PRKAG2: variants seen among roughly 807,000 people sequenced by gnomAD.
The protein encoded by PRKAG2 is protein kinase AMP-activated non-catalytic subunit gamma 2, also known as 5'-AMP-activated protein kinase subunit gamma-2.
Under a neutral mutation model 69.6 loss-of-function variants are expected in PRKAG2, and 26 were observed. That is an observed-to-expected ratio of 0.37 (90% CI 0.27 to 0.52). PRKAG2 has a LOEUF of 0.52. PRKAG2 is among the 20% of genes least tolerant of loss of function. The pLI is 0.90. For synonymous variants in PRKAG2, 293 were observed against 285.0 expected, an observed-to-expected ratio of 1.03 and a Z score of -0.28; for missense variants, 557 against 740.0, an observed-to-expected ratio of 0.75 and a Z score of 2.87.
rs1803882663 is a variant in PRKAG2 at position 151,556,884 on chromosome 7, C to G, written c.*317G>C. On this transcript the variant is annotated 3_prime_UTR_variant, in exon 16 of 16. Transcript: ENST00000287878. ...AACATACCGTGCACTCACCTTATGC[C>G]ACATCACCTGTTCCATACCAGTGAA... The G allele has an allele frequency of 2.5e-6, 1 of 406,254 alleles. No individual in the cohort carries two copies. The allele number at this position is 406,254 out of a possible 1,614,324, so 25.2% of individuals were successfully genotyped here.
chr7:151,695,516 G>C lies in PRKAG2; in HGVS notation c.467-19879C>G, dbSNP rs1836466974. ...TGTGGGTGCCCTAAGTGCCGGCATT[G>C]TGCAGGAAGCTGTGTTGGGGGCTGG... On this transcript the variant is annotated intron_variant, in intron 3 of 15. Transcript: ENST00000287878. Among the ~76,000 whole-genome samples the C allele has an allele frequency of 2.0e-5, 3 of 152,308 alleles. No homozygotes were observed. The South Asian group carries it at 6.2e-4, about 32-fold the overall frequency.
intron 4 of PRKAG2, among the ~76,000 whole-genome samples, chr7:151,672,093 C>A (rs932733193): frequency 6.6e-6 from 1 of 151,704 alleles, no homozygotes; most frequent in African/African-American, 2.4e-5. Flanking sequence ...CCACCTCTCC[C>A]GGCCACCATT....
chr7:151,831,511 T>C (rs973658832), intron 1 of PRKAG2, among the ~76,000 whole-genome samples: 1 of 152,220 alleles, frequency 6.6e-6, no homozygotes. Flanking sequence ...CCTCACTTAA[T>C]TCTCCCAAGA....
At chr7:151,584,460 C>A (rs1811179985) in intron 6 of PRKAG2, among the ~76,000 whole-genome samples, 1 of 151,428 alleles carries the variant, frequency 6.6e-6, no homozygotes, top group African/African-American at 2.4e-5. Context: ...ACACAGATCT[C>A]ACTAGAAGGG....
intron 3 of PRKAG2, among the ~76,000 whole-genome samples, chr7:151,677,943 C>T (rs554558475): frequency 2.6e-5 from 4 of 152,284 alleles, no homozygotes; most frequent in South Asian, 2.1e-4. Context: ...AAACATAATT[C>T]GGCAGACGTT....
intron 6 of PRKAG2, among the ~76,000 whole-genome samples, chr7:151,594,064 T>C (rs1813855301): frequency 6.6e-6 from 1 of 152,064 alleles, no homozygotes; most frequent in Non-Finnish European, 1.5e-5. Flanking sequence ...CTAAAGGGCC[T>C]GGTGGAGCAG....
Position 151,780,072 on chromosome 7 carries a change from T to G in PRKAG2, c.466+1080A>C, listed in dbSNP as rs1396542511. On this transcript the variant is annotated intron_variant, in intron 3 of 15. Coordinates refer to ENST00000287878, the MANE Select transcript of PRKAG2 (RefSeq NM_016203.4). The surrounding 1 kb of genome is among the most constrained non-coding windows in gnomAD (Gnocchi z 4.2). ...ACAGGCGGGAGCACCTTCATTTGTT[T>G]TATGTAGAAAGACGAAGTGCAAAAT... Among the ~76,000 whole-genome samples the G allele has an allele frequency of 6.6e-6, 1 of 152,140 alleles. No individual in the cohort carries two copies. Among genetic ancestry groups the G allele is most frequent in the East Asian group, 1.9e-4 (1 of 5,196 alleles).
intron 3 of PRKAG2, among the ~76,000 whole-genome samples, chr7:151,779,832 C>T (rs940297627): frequency 6.6e-6 from 1 of 152,226 alleles, no homozygotes; most frequent in Non-Finnish European, 1.5e-5. Context: ...CCTCACGCAG[C>T]TTTCCCATCA....
At chr7:151,655,243 G>T (rs1431794191) in intron 4 of PRKAG2, among the ~76,000 whole-genome samples, 1 of 152,140 alleles carries the variant, frequency 6.6e-6, no homozygotes, top group East Asian at 1.9e-4. Flanking sequence ...GCCATTCAAA[G>T]GTATTTGGCC....
chr7:151,778,835 C>G (rs2076529504), intron 3 of PRKAG2, among the ~76,000 whole-genome samples: 1 of 152,218 alleles, frequency 6.6e-6, no homozygotes, highest in South Asian at 2.1e-4. Context: ...CCATCCACTC[C>G]TAATTCTTCA....
At chr7:151,876,062 A>T (rs953475455) in intron 1 of PRKAG2, among the ~76,000 whole-genome samples, 2 of 7,328 alleles carry the variant, frequency 2.7e-4, no homozygotes, top group African/African-American at 1.2e-3. Flanking sequence ...TTCCCCACCC[A>T]CCGCCCCTCC....
intron 4 of PRKAG2, among the ~76,000 whole-genome samples, chr7:151,634,653 C>G (rs374960918): frequency 6.6e-6 from 1 of 152,132 alleles, no homozygotes; most frequent in East Asian, 1.9e-4. Flanking sequence ...ATAAACACTA[C>G]CAATATTAAA....
rs534464965 is a variant in PRKAG2, at chr7:151,838,929, C to T, written c.114+37578G>A. On this transcript the variant is annotated intron_variant, in intron 1 of 15. Transcript: ENST00000287878. Reference sequence around the variant, plus strand: ...ACTCGAGAGGCTTAGACAGAAGAATCGCTTGAACCCGGAAGGCAGAGGTTG... The same window carrying T: ...ACTCGAGAGGCTTAGACAGAAGAATTGCTTGAACCCGGAAGGCAGAGGTTG... Among the ~76,000 whole-genome samples the T allele has an allele frequency of 2.0e-3, 303 of 150,624 alleles. 3 individuals are homozygous for T. Among genetic ancestry groups the T allele is most frequent in the Middle Eastern group, 0.01 (3 of 294 alleles).
chr7:151,560,245 G>A (rs193039685), intron 15 of PRKAG2: 11 of 1,313,370 alleles, frequency 8.4e-6, no homozygotes, highest in South Asian at 1.5e-5. Context: ...CAGTGGAAAA[G>A]GTTATGATGA....
chr7:151,819,032 CAATCA>C (rs2078710437), intron 1 of PRKAG2, among the ~76,000 whole-genome samples: 1 of 152,210 alleles, frequency 6.6e-6, no homozygotes, highest in Admixed American at 6.5e-5. Context: ...GAGGGCTTGT[CAATCA>C]GCTCCCTGGC....
chr7:151,735,931 C>T, intron 3 of PRKAG2: 1 of 1,536,380 alleles, frequency 6.5e-7, no homozygotes. Context: ...ACTGGCGCCT[C>T]TCCGTGCTTC....
chr7:151,657,071 A>C (rs986116993), intron 4 of PRKAG2, among the ~76,000 whole-genome samples: 1 of 150,038 alleles, frequency 6.7e-6, no homozygotes, highest in African/African-American at 2.4e-5. Flanking sequence ...TGGGAGGCGG[A>C]GGTTGCAATG....
At chr7:151,869,319 T>C (rs941340371) in intron 1 of PRKAG2, among the ~76,000 whole-genome samples, 11 of 152,202 alleles carry the variant, frequency 7.2e-5, no homozygotes, top group Non-Finnish European at 1.5e-4. Context: ...GCCTCGTTTA[T>C]ATAAGAATCT....
intron 2 of PRKAG2, among the ~76,000 whole-genome samples, chr7:151,784,163 C>T (rs539040543): frequency 4.6e-5 from 7 of 152,120 alleles, no homozygotes; most frequent in South Asian, 2.1e-4. Flanking sequence ...GAGACAATCA[C>T]GACAGCAGCC....
Sources: allele counts gnomAD v4.1 joint callset (sites outside exome capture counted in the v4.1 genomes callset), GRCh38; gene constraint gnomAD v4.1.1; non-coding constraint Gnocchi (gnomAD v3.1); transcripts MANE v1.5; gene names NCBI Gene and HGNC (gene_info 2026-07-23, HGNC 2026-07-21).